The following ARMC9 variants were observed in gnomAD, a reference collection of about 807,000 sequenced individuals.
The protein encoded by ARMC9 is armadillo repeat containing 9, also known as lisH domain-containing protein ARMC9.
Under a neutral mutation model 107.0 loss-of-function variants are expected in ARMC9, and 94 were observed. That is an observed-to-expected ratio of 0.88 (90% CI 0.74 to 1.04). The LOEUF is 1.04. Among genes scored for constraint, ARMC9 ranks in the 50% least tolerant of loss-of-function variants. ARMC9 has a pLI of 0.00. For synonymous variants in ARMC9, 380 were observed against 396.9 expected (o/e 0.96, Z 0.51); for missense variants, 942 against 1,030.1 (o/e 0.91, Z 1.17).
Position 231,353,204 on chromosome 2 carries a change from T to G in ARMC9, c.1995-2594T>G, listed in dbSNP as rs1357978341. Among the ~76,000 whole-genome samples the G allele has an allele frequency of 2.4e-4, 31 of 131,572 alleles. 2 individuals are homozygous for G. The highest frequency in any genetic ancestry group is 3.9e-4 in the East Asian group (2 of 5,190). 86.3% of individuals were successfully genotyped at this position (131,572 alleles called of 152,430 possible). A position where few individuals can be genotyped will look rare whatever the true frequency, so the allele number is the denominator to read the frequency against. ...TGCACAAAGTGACAATTCTTTTTTT[T>G]TGAGACAGAGTCTCGCTCTGTCAGC... On this transcript the variant is annotated intron_variant, in intron 21 of 24. Transcript: ENST00000611582.
chr2:231,270,085 C>T (rs115818078), intron 12 of ARMC9, among the ~76,000 whole-genome samples: 2,899 of 152,212 alleles, frequency 0.019, 100 homozygotes, highest in African/African-American at 0.067. Flanking sequence ...ATTCTTTCCC[C>T]GTGGGCTGGT....
At chr2:231,244,464 C>G (rs935888432) in intron 9 of ARMC9, among the ~76,000 whole-genome samples, 1 of 150,490 alleles carries the variant, frequency 6.6e-6, no homozygotes, top group Admixed American at 6.7e-5. Context: ...CTCCTGGGAT[C>G]AAGTGGTCCT....
intron 12 of ARMC9, among the ~76,000 whole-genome samples, chr2:231,267,182 T>A (rs1004856824): frequency 2.0e-5 from 3 of 152,184 alleles, no homozygotes; most frequent in Non-Finnish European, 4.4e-5. Context: ...ACAGAGCGTC[T>A]GGCGGAATTG....
intron 1 of ARMC9, among the ~76,000 whole-genome samples, chr2:231,204,683 G>A (rs989696333): frequency 1.3e-5 from 2 of 151,964 alleles, no homozygotes; most frequent in Non-Finnish European, 2.9e-5. Context: ...GTGATGGGCC[G>A]ACCTCTTAGA....
chr2:231,292,167 C>CAAA (rs1248110796), intron 18 of ARMC9, among the ~76,000 whole-genome samples: 3 of 56,082 alleles, frequency 5.3e-5, no homozygotes, highest in Non-Finnish European at 1.1e-4. Flanking sequence ...AACTCCTTCT[C>CAAA]AAAAAAAAAA....
intron 15 of ARMC9, among the ~76,000 whole-genome samples, 200 bp downstream of exon 15, chr2:231,276,975 T>C (rs903103577): frequency 2.6e-5 from 4 of 152,176 alleles, no homozygotes; most frequent in Admixed American, 6.5e-5. Context: ...CTGGAAAAAA[T>C]GTCTTGTATA....
chr2:231,246,051 T>C (rs532930372), intron 9 of ARMC9, among the ~76,000 whole-genome samples: 21 of 152,312 alleles, frequency 1.4e-4, no homozygotes, highest in Middle Eastern at 3.4e-3. Flanking sequence ...AAGTCTGACC[T>C]AGTGGCACCT....
intron 23 of ARMC9, among the ~76,000 whole-genome samples, chr2:231,361,894 A>AT (rs2045600991): frequency 6.6e-6 from 1 of 152,162 alleles, no homozygotes; most frequent in African/African-American, 2.4e-5. Context: ...ATCAATGGGG[A>AT]GTGGCAGACA....
intron 23 of ARMC9, among the ~76,000 whole-genome samples, chr2:231,368,711 A>T (rs180966501): frequency 1.8e-4 from 27 of 152,172 alleles, no homozygotes; most frequent in African/African-American, 5.8e-4. Flanking sequence ...TGCAGCCTTG[A>T]CCTCCCAGGC....
At position 231,355,739 on chromosome 2, in the gene ARMC9, C is replaced by T. The variant is rs1575172556; in HGVS notation, c.1995-59C>T. 6.1e-6 allele frequency: 9 copies of T among 1,485,964 alleles called. No individual in the cohort carries two copies. In the East Asian group the frequency reaches 7.5e-5, roughly 12 times the overall value. 92.0% of individuals were successfully genotyped at this position (1,485,964 alleles called of 1,614,324 possible). ...TATTTGTGATGCTGCAGTCGGCAGT[C>T]GGCAGTCCGAATCTCCTGGCTGGCT... On this transcript the variant is annotated intron_variant, in intron 21 of 24. Transcript: ENST00000611582.
intron 8 of ARMC9, among the ~76,000 whole-genome samples, chr2:231,237,444 G>GT (rs1328131381): frequency 1.3e-5 from 2 of 152,018 alleles, no homozygotes; most frequent in African/African-American, 4.8e-5. Context: ...AAATGTTGCA[G>GT]TGAACATCCT....
chr2:231,217,269 A>G (rs138088264), intron 5 of ARMC9, among the ~76,000 whole-genome samples: 132 of 152,352 alleles, frequency 8.7e-4, no homozygotes, highest in Middle Eastern at 6.8e-3. Flanking sequence ...TTTTAGGCAT[A>G]TGTGTACCAG....
rs768162251 is a variant in ARMC9 at position 231,282,029 on chromosome 2, A to C, written c.1552-30A>C. ...AGTTGTGCAGTATTTGAAAACTTGC[A>C]AATAACTGGTTTTTTTCCTCCCCTT... On this transcript the variant is annotated intron_variant, in intron 16 of 24. Transcript: ENST00000611582. The C allele has an allele frequency of 1.1e-5, 18 of 1,606,742 alleles. No individual in the cohort carries two copies. The Middle Eastern group carries it at 1.8e-3, about 162-fold the overall frequency.
Position 231,317,507 on chromosome 2 carries a change from T to G in ARMC9, c.1774-14286T>G, listed in dbSNP as rs112201054. 4.0e-3 allele frequency among the ~76,000 whole-genome samples: 603 copies of G among 151,998 alleles called. 6 individuals are homozygous for G. The highest frequency in any genetic ancestry group is 5.9e-3 in the African/African-American group (244 of 41,522). ...GGATCTATAAGTTACAGTGTTTTTT[T>G]TGTGTGTGTTTGTTTTGGGGTTTTT... is the stretch of plus-strand genomic sequence containing the variant. On this transcript the variant is annotated intron_variant, in intron 19 of 24. Transcript: ENST00000611582.
chr2:231,293,349 T>G (rs908627189), intron 18 of ARMC9, among the ~76,000 whole-genome samples: 4 of 152,116 alleles, frequency 2.6e-5, no homozygotes, highest in Non-Finnish European at 2.9e-5. Flanking sequence ...TTGTTGCACA[T>G]CCGCGCCATA....
chr2:231,258,908 C>T, intron 10 of ARMC9, 83 bp from the exon 11 acceptor site: 1 of 1,260,816 alleles, frequency 7.9e-7, no homozygotes, highest in Non-Finnish European at 1.1e-6. Context: ...CAGGCTCTAG[C>T]TTGGGTGTCA....
intron 6 of ARMC9, 32 bp downstream of exon 6, chr2:231,222,852 T>C: frequency 7.0e-7 from 1 of 1,426,658 alleles, no homozygotes; most frequent in Non-Finnish European, 9.7e-7. Context: ...AGACCACCTA[T>C]GGTTTTAGAG....
At chr2:231,239,742 C>G (rs965748237) in intron 8 of ARMC9, among the ~76,000 whole-genome samples, 2 of 152,182 alleles carry the variant, frequency 1.3e-5, no homozygotes, top group African/African-American at 4.8e-5. Flanking sequence ...GTGTTAGCAC[C>G]TTGTTCTGTC....
At chr2:231,334,324 C>T (rs893938306) in intron 20 of ARMC9, among the ~76,000 whole-genome samples, 2 of 152,246 alleles carry the variant, frequency 1.3e-5, no homozygotes, top group African/African-American at 4.8e-5. Context: ...GCTCAGCTCC[C>T]CCGAAGGACT....
Sources: gnomAD v4.1 joint callset for allele counts (sites outside exome capture counted in the v4.1 genomes callset) on GRCh38, gnomAD v4.1.1 for gene constraint, MANE v1.5 for transcripts, NCBI Gene and HGNC (gene_info 2026-07-23, HGNC 2026-07-21) for gene names.